The following CDH13 variants were observed in gnomAD, a reference collection of about 807,000 sequenced individuals.
The protein encoded by CDH13 is cadherin 13.
CDH13 carries 24 observed loss-of-function variants against 63.8 expected under a neutral mutation model. That is an observed-to-expected ratio of 0.38 (90% CI 0.27 to 0.53). CDH13 has a LOEUF of 0.53. Ranked by LOEUF, CDH13 falls within the 20% of genes least tolerant of loss-of-function variation. CDH13 has a pLI of 0.85. For missense variants in CDH13, 1,049 were observed against 903.1 expected (o/e 1.16, Z -2.07); for synonymous variants, 503 against 355.3 (o/e 1.42, Z -4.67).
rs72807830 is a variant in CDH13 at position 82,843,333 on chromosome 16, C to A, written c.46-15029C>A. ...ATACATCCAATTGGCATTCAGTGAG[C>A]AGTTGTTCAAATTCCTTTTAATTCA... On this transcript the variant is annotated intron_variant, in intron 1 of 13. Coordinates refer to ENST00000567109, the MANE Select transcript of CDH13 (RefSeq NM_001257.5). 9.4e-3 allele frequency among the ~76,000 whole-genome samples: 1,431 copies of A among 152,282 alleles called. 27 individuals carry two copies. Among genetic ancestry groups the A allele is most frequent in the South Asian group, 0.08 (383 of 4,814 alleles).
intron 3 of CDH13, among the ~76,000 whole-genome samples, chr16:83,048,872 C>T (rs151309795): frequency 3.9e-5 from 6 of 152,236 alleles, no homozygotes; most frequent in Non-Finnish European, 8.8e-5. Context: ...AAATCGCTGC[C>T]TCCCTTCCCC....
intron 2 of CDH13, among the ~76,000 whole-genome samples, chr16:82,867,907 C>T (rs1194166257): frequency 6.6e-6 from 1 of 152,088 alleles, no homozygotes; most frequent in African/African-American, 2.4e-5. Context: ...TGTCTACATT[C>T]TCTATCTTGA....
At chr16:83,676,990 C>A (rs1056793351) in intron 9 of CDH13, among the ~76,000 whole-genome samples, 1 of 152,164 alleles carries the variant, frequency 6.6e-6, no homozygotes, top group African/African-American at 2.4e-5. Context: ...GAGTGTAAAT[C>A]AAATCTCTTG....
intron 2 of CDH13, among the ~76,000 whole-genome samples, chr16:83,001,836 G>T (rs1471767237): frequency 1.3e-5 from 2 of 152,218 alleles, no homozygotes; most frequent in Non-Finnish European, 2.9e-5. Flanking sequence ...GACTGCTGGG[G>T]AGCTATGGGA....
chr16:82,686,218 C>G (rs192233959), intron 1 of CDH13, among the ~76,000 whole-genome samples: 5 of 152,292 alleles, frequency 3.3e-5, no homozygotes, highest in East Asian at 3.9e-4. Context: ...ATTTCTAATT[C>G]AAAGCAGAAT....
chr16:82,723,529 T>C (rs1165298088), intron 1 of CDH13, among the ~76,000 whole-genome samples: 1 of 152,146 alleles, frequency 6.6e-6, no homozygotes, highest in African/African-American at 2.4e-5. Flanking sequence ...CATGCAAATT[T>C]GCCCTATTCC....
intron 2 of CDH13, among the ~76,000 whole-genome samples, chr16:82,910,621 C>A (rs915960941): frequency 1.3e-5 from 2 of 152,182 alleles, no homozygotes; most frequent in Admixed American, 6.5e-5. Flanking sequence ...TTCGTTCTGT[C>A]CTATAAGAAG....
intron 2 of CDH13, among the ~76,000 whole-genome samples, chr16:82,919,147 GT>G (rs1358930147): frequency 1.3e-5 from 2 of 151,990 alleles, no homozygotes; most frequent in African/African-American, 4.8e-5. Flanking sequence ...TTCCAAATGT[GT>G]TTTTTAAATG....
intron 7 of CDH13, among the ~76,000 whole-genome samples, chr16:83,507,326 T>C (rs1434597147): frequency 1.3e-5 from 2 of 152,228 alleles, no homozygotes; most frequent in Admixed American, 1.3e-4. Flanking sequence ...GGTATTGTTA[T>C]TAATAGAGGC....
At chr16:82,863,700 C>T (rs1048346393) in intron 2 of CDH13, among the ~76,000 whole-genome samples, 9 of 152,146 alleles carry the variant, frequency 5.9e-5, no homozygotes, top group African/African-American at 2.2e-4. Context: ...ATTATCATTA[C>T]TTTCATTCAT....
rs1906028435 is a variant in CDH13 at position 83,254,943 on chromosome 16, CTT to C, written c.636+37450_636+37451del. Among the ~76,000 whole-genome samples, 6 of 110,980 alleles carry C rather than the reference CTT, an allele frequency of 5.4e-5. No homozygotes were observed. The South Asian group carries it at 1.8e-3, about 34-fold the overall frequency. 72.8% of individuals were successfully genotyped at this position (110,980 alleles called of 152,430 possible). A position where few individuals can be genotyped will look rare whatever the true frequency, so the allele number is the denominator to read the frequency against. ...AGACAAGCTCTTTCTTGGATTTTTTCTTTTTCTCTTTCTTTCTTTCTTTCTTT... is the reference window on the plus strand; with the variant it reads ...AGACAAGCTCTTTCTTGGATTTTTTCTTTCTCTTTCTTTCTTTCTTTCTTT... On this transcript the variant is annotated intron_variant, in intron 5 of 13. Coordinates refer to ENST00000567109, the MANE Select transcript of CDH13 (RefSeq NM_001257.5).
chr16:82,828,751 G>A (rs956661754), intron 1 of CDH13, among the ~76,000 whole-genome samples: 2 of 151,214 alleles, frequency 1.3e-5, no homozygotes, highest in Non-Finnish European at 2.9e-5. Context: ...TAAAAATACA[G>A]TACAACTATT....
chr16:82,697,308 C>T (rs2030417897), intron 1 of CDH13, among the ~76,000 whole-genome samples: 1 of 152,014 alleles, frequency 6.6e-6, no homozygotes, highest in South Asian at 2.1e-4. Context: ...TCCATATTCC[C>T]AGGTACTGGT....
At chr16:83,779,792 T>C (rs1363868840) in intron 11 of CDH13, among the ~76,000 whole-genome samples, 176 bp from the exon 12 acceptor site, 2 of 152,162 alleles carry the variant, frequency 1.3e-5, no homozygotes, top group African/African-American at 4.8e-5. Flanking sequence ...CAGGAGGTTG[T>C]GGCTGCAGTG....
chr16:83,220,297 C>G (rs939305497), intron 5 of CDH13, among the ~76,000 whole-genome samples: 2 of 152,186 alleles, frequency 1.3e-5, no homozygotes, highest in African/African-American at 2.4e-5. Context: ...CTGGGTTACT[C>G]TCATGTTGGT....
rs936102568 is a variant in CDH13 at position 83,342,672 on chromosome 16, C to T, written c.637-2190C>T. ...TTCTTTCCATTGTGTTAAGATGGAT[C>T]TGTTGTCTGCCCTTCCCAGTTTCAG... On this transcript the variant is annotated intron_variant, in intron 5 of 13. Coordinates refer to ENST00000567109, the MANE Select transcript of CDH13 (RefSeq NM_001257.5). 5.3e-5 allele frequency among the ~76,000 whole-genome samples: 8 copies of T among 152,192 alleles called. No homozygotes were observed. The South Asian group carries it at 1.5e-3, about 28-fold the overall frequency.
At chr16:82,706,593 G>C (rs999699830) in intron 1 of CDH13, among the ~76,000 whole-genome samples, 1 of 151,720 alleles carries the variant, frequency 6.6e-6, no homozygotes, top group African/African-American at 2.4e-5. Context: ...TCAGGAGTTG[G>C]AGACCAGCCT....
intron 2 of CDH13, among the ~76,000 whole-genome samples, chr16:83,014,331 A>C (rs1914465660): frequency 2.6e-5 from 4 of 151,696 alleles, no homozygotes; most frequent in South Asian, 2.1e-4. Context: ...AAAAAAAAAA[A>C]AAAAAAAAAA....
intron 1 of CDH13, among the ~76,000 whole-genome samples, chr16:82,662,895 A>G (rs940475122): frequency 6.6e-6 from 1 of 151,822 alleles, no homozygotes; most frequent in African/African-American, 2.4e-5. Flanking sequence ...TGTGTCTGGT[A>G]CCCTTACCCA....
Sources: gnomAD v4.1 joint callset for allele counts (sites outside exome capture counted in the v4.1 genomes callset) on GRCh38, gnomAD v4.1.1 for gene constraint, MANE v1.5 for transcripts, NCBI Gene and HGNC (gene_info 2026-07-23, HGNC 2026-07-21) for gene names.